ATAD2: variants seen among roughly 807,000 people sequenced by gnomAD.
The protein encoded by ATAD2 is ATPase family AAA domain-containing protein 2.
ATAD2 carries 62 observed loss-of-function variants against 168.9 expected under a neutral mutation model. That is an observed-to-expected ratio of 0.37 (90% CI 0.30 to 0.45). The LOEUF (loss-of-function observed/expected upper bound fraction) is 0.45, where lower values mean the gene tolerates loss of function less well. Among genes scored for constraint, ATAD2 ranks in the 20% least tolerant of loss-of-function variants. ATAD2 has a pLI of 1.00. For missense variants in ATAD2, 1,419 were observed against 1,667.8 expected (o/e 0.85, Z 2.60); for synonymous variants, 613 against 571.6 (o/e 1.07, Z -1.03).
intron 1 of ATAD2, among the ~76,000 whole-genome samples, chr8:123,412,155 G>A (rs1411732887): frequency 6.6e-6 from 1 of 152,262 alleles, no homozygotes; most frequent in African/African-American, 2.4e-5. Flanking sequence ...TCTAGATATG[G>A]CCCCCAATAA....
Position 123,321,195 on chromosome 8 carries a change from A to G in ATAD2, c.4132-20T>C, listed in dbSNP as rs933117035. 6.9e-6 allele frequency: 11 copies of G among 1,596,564 alleles called. No individual in the cohort carries two copies. The highest frequency in any genetic ancestry group is 1.1e-5 in the South Asian group (1 of 87,824). ...CATTTTCTAGATAAAGGGGAGGAAG[A>G]GCAAATAGTAAGTTTCAATATGGAA... On this transcript the variant is annotated intron_variant, in intron 27 of 27. Transcript: ENST00000287394.
chr8:123,331,717 T>A lies in ATAD2; in HGVS notation c.3478+2161A>T, dbSNP rs574559375. Among the ~76,000 whole-genome samples, 17 of 152,346 alleles carry A rather than the reference T, an allele frequency of 1.1e-4. No individual in the cohort carries two copies. In the South Asian group the frequency reaches 3.5e-3, roughly 32 times the overall value. Reference sequence around the variant, plus strand: ...TTCCAGCATTACTAGTGGCACCTCCTATGTGTCCTATGGTGTTACTCAAGA... The same window carrying A: ...TTCCAGCATTACTAGTGGCACCTCCAATGTGTCCTATGGTGTTACTCAAGA... On this transcript the variant is annotated intron_variant, in intron 24 of 27. Coordinates refer to ENST00000287394, the MANE Select transcript of ATAD2 (RefSeq NM_014109.4).
chr8:123,359,760 A>G, intron 9 of ATAD2, 75 bp from the exon 10 acceptor site: 1 of 1,005,906 alleles, frequency 9.9e-7, no homozygotes, highest in Non-Finnish European at 1.5e-6. Flanking sequence ...GTTTGAATAT[A>G]AACATTTAAG....
intron 10 of ATAD2, 89 bp downstream of exon 10, chr8:123,359,488 A>C: frequency 7.4e-7 from 1 of 1,359,240 alleles, no homozygotes; most frequent in East Asian, 2.3e-5. Flanking sequence ...TTTGACTAAA[A>C]AGAAAAATCA....
chr8:123,366,353 A>C (rs1396410309), intron 8 of ATAD2, among the ~76,000 whole-genome samples: 1 of 152,204 alleles, frequency 6.6e-6, no homozygotes, highest in African/African-American at 2.4e-5. Context: ...AACAGTGTGG[A>C]GATTCCCTAA....
At chr8:123,343,594 CAA>C (rs1044597138) in intron 19 of ATAD2, among the ~76,000 whole-genome samples, 5 of 152,020 alleles carry the variant, frequency 3.3e-5, no homozygotes, top group Non-Finnish European at 5.9e-5. Context: ...AACCAATTGT[CAA>C]AAGTGTGAAA....
chr8:123,394,682 A>G (rs1812748559), intron 1 of ATAD2, among the ~76,000 whole-genome samples: 1 of 152,208 alleles, frequency 6.6e-6, no homozygotes, highest in African/African-American at 2.4e-5. Context: ...TCAATATATC[A>G]GTACGTATCA....
chr8:123,383,157 G>T (rs1342766425), intron 1 of ATAD2, among the ~76,000 whole-genome samples: 1 of 152,092 alleles, frequency 6.6e-6, no homozygotes, highest in Non-Finnish European at 1.5e-5. Context: ...AGAACACATG[G>T]ACACAGAGAG....
chr8:123,351,505 A>G (rs1273368436), intron 13 of ATAD2, among the ~76,000 whole-genome samples: 2 of 152,146 alleles, frequency 1.3e-5, no homozygotes, highest in African/African-American at 4.8e-5. Context: ...CCACTATTTC[A>G]TAAGAGGCTG....
chr8:123,415,195 A>T (rs1039929551), intron 1 of ATAD2, among the ~76,000 whole-genome samples: 1 of 152,156 alleles, frequency 6.6e-6, no homozygotes, highest in Non-Finnish European at 1.5e-5. Context: ...TTATTGGCTG[A>T]TAATTGTTTT....
At chr8:123,373,083 G>A (rs1055193446) in intron 2 of ATAD2, among the ~76,000 whole-genome samples, 2 of 151,622 alleles carry the variant, frequency 1.3e-5, no homozygotes, top group Non-Finnish European at 2.9e-5. Flanking sequence ...TAGTAGAGAC[G>A]AGGTTTCACC....
chr8:123,400,464 GT>G, upstream of ATAD2: 10 of 367,596 alleles, frequency 2.7e-5, 1 homozygote, highest in South Asian at 2.1e-4. The surrounding 1 kb of genome is among the most constrained non-coding windows in gnomAD (Gnocchi z 4.5). Flanking sequence ...GAGCCCAGCA[GT>G]TCCAAACCAT....
chr8:123,411,509 C>T (rs1203958356), intron 1 of ATAD2, among the ~76,000 whole-genome samples: 2 of 152,242 alleles, frequency 1.3e-5, no homozygotes, highest in Non-Finnish European at 2.9e-5. Context: ...GGAAGGTGAC[C>T]GCATCCACCT....
intron 20 of ATAD2, among the ~76,000 whole-genome samples, chr8:123,338,136 C>A (rs1353634009): frequency 6.6e-6 from 1 of 152,122 alleles, no homozygotes; most frequent in Non-Finnish European, 1.5e-5. Context: ...GTGGGTGGAT[C>A]ACCAGGTCAG....
chr8:123,338,503 G>A (rs1486821564), intron 20 of ATAD2, among the ~76,000 whole-genome samples: 1 of 152,078 alleles, frequency 6.6e-6, no homozygotes, highest in Non-Finnish European at 1.5e-5. Context: ...TATACCAACA[G>A]GTTATTTTGT....
intron 1 of ATAD2, among the ~76,000 whole-genome samples, chr8:123,408,136 G>GA (rs1008954923): frequency 6.6e-6 from 1 of 152,024 alleles, no homozygotes; most frequent in Non-Finnish European, 1.5e-5. Flanking sequence ...CACAAAAGAA[G>GA]AAAAAAAATT....
At chr8:123,370,178 C>T (rs1334132745) in intron 6 of ATAD2, among the ~76,000 whole-genome samples, 154 bp from the exon 7 acceptor site, 1 of 150,740 alleles carries the variant, frequency 6.6e-6, no homozygotes, top group South Asian at 2.1e-4. Context: ...CTTATCTACT[C>T]CTAGATTGTT....
intron 25 of ATAD2, among the ~76,000 whole-genome samples, chr8:123,327,060 C>T (rs954318615): frequency 6.6e-6 from 1 of 152,084 alleles, no homozygotes; most frequent in African/African-American, 2.4e-5. Flanking sequence ...AGGCGTTAGC[C>T]ACCACGCCCA....
chr8:123,363,822 G>A (rs1828888799), intron 8 of ATAD2, among the ~76,000 whole-genome samples: 1 of 152,030 alleles, frequency 6.6e-6, no homozygotes, highest in African/African-American at 2.4e-5. Context: ...ATTATTAGTA[G>A]GCTCAATTTA....
Sources: gnomAD v4.1 joint callset for allele counts (sites outside exome capture counted in the v4.1 genomes callset) on GRCh38, gnomAD v4.1.1 for gene constraint, Gnocchi (gnomAD v3.1) non-coding constraint, MANE v1.5 for transcripts, NCBI Gene and HGNC (gene_info 2026-07-23, HGNC 2026-07-21) for gene names.